POU6F2: variants seen among roughly 807,000 people sequenced by gnomAD.
The protein encoded by POU6F2 is POU class 6 homeobox 2, also known as POU domain, class 6, transcription factor 2.
POU6F2 carries 31 observed loss-of-function variants against 71.3 expected under a neutral mutation model. The ratio of observed to expected loss-of-function variants is 0.43; its 90% CI spans 0.33 to 0.59. The LOEUF (loss-of-function observed/expected upper bound fraction) is 0.59. Ranked by LOEUF, POU6F2 falls within the 20% of genes least tolerant of loss-of-function variation. The probability of loss-of-function intolerance (pLI) is 0.04; values close to 1 mark genes in which losing one functional copy is unlikely to be tolerated. For missense variants in POU6F2, 783 were observed against 856.8 expected, an observed-to-expected ratio of 0.91 and a Z score of 1.07; for synonymous variants, 347 against 355.7, an observed-to-expected ratio of 0.98 and a Z score of 0.27.
intron 1 of POU6F2, among the ~76,000 whole-genome samples, chr7:39,006,018 A>G (rs554058111): frequency 6.6e-6 from 1 of 152,302 alleles, no homozygotes; most frequent in East Asian, 1.9e-4. Context: ...ATCTCTCTAA[A>G]GAAAAGGAAT....
At chr7:39,440,302 A>G (rs10261831) in intron 7 of POU6F2, among the ~76,000 whole-genome samples, 48,536 of 151,966 alleles carry the variant, frequency 0.32, 8,464 homozygotes, top group East Asian at 0.52. Flanking sequence ...CATTCTCCCT[A>G]TCTCATTCTG....
Position 39,207,335 on chromosome 7 carries a change from A to G in POU6F2, c.370-57A>G, listed in dbSNP as rs924106096. On this transcript the variant is annotated intron_variant, in intron 3 of 9. Transcript: ENST00000518318. ...ACTTAAGTGGAAAGAAGATGTTTTTAAAACCCATGCCTTGGTTCCACAGGA... is the reference window on the plus strand; with the variant it reads ...ACTTAAGTGGAAAGAAGATGTTTTTGAAACCCATGCCTTGGTTCCACAGGA... 10 of 1,528,506 alleles carry G rather than the reference A, an allele frequency of 6.5e-6. No homozygotes were observed. In the Admixed American group the frequency reaches 8.9e-5, roughly 14 times the overall value. 94.7% of individuals were successfully genotyped at this position (1,528,506 alleles called of 1,614,324 possible).
chr7:39,352,985 CT>C (rs1231515520), intron 5 of POU6F2, among the ~76,000 whole-genome samples: 1 of 152,196 alleles, frequency 6.6e-6, no homozygotes, highest in Non-Finnish European at 1.5e-5. Context: ...TAGCTCCCAC[CT>C]GTAAGTGAGA....
chr7:39,130,542 A>G (rs769358841), intron 2 of POU6F2, among the ~76,000 whole-genome samples: 9 of 152,236 alleles, frequency 5.9e-5, no homozygotes, highest in South Asian at 4.1e-4. Flanking sequence ...CAAAAGGAAA[A>G]TGAAACTACA....
rs546442181 is a variant in POU6F2, at chr7:39,026,629, T to C, written c.105+48571T>C. Among the ~76,000 whole-genome samples, 460 of 152,132 alleles carry C rather than the reference T, an allele frequency of 3.0e-3. 1 individual carries two copies. The highest frequency in any genetic ancestry group is 8.5e-3 in the African/African-American group (352 of 41,480). ...GTGGGAGGAGTGGGGAGGGATAGCA[T>C]TAGGAGATATACCTAATGCTAAATG... is the stretch of plus-strand genomic sequence containing the variant. On this transcript the variant is annotated intron_variant, in intron 1 of 9. Transcript: ENST00000518318.
rs150254917 is a variant in POU6F2 at position 39,050,785 on chromosome 7, G to T, written c.106-35075G>T. On this transcript the variant is annotated intron_variant, in intron 1 of 9. Transcript: ENST00000518318. The stretch of plus-strand genomic sequence containing the variant: ...AATTACCATGAAGAAAAATCTGGGG[G>T]ACAAGAAGGGGAGCAGCCCAGGCAA... 6.8e-3 allele frequency among the ~76,000 whole-genome samples: 1,035 copies of T among 152,214 alleles called. 12 individuals carry two copies. Among genetic ancestry groups the T allele is most frequent in the African/African-American group, 0.023 (963 of 41,552 alleles).
chr7:39,364,791 G>A (rs1270214315), intron 5 of POU6F2, among the ~76,000 whole-genome samples: 5 of 152,184 alleles, frequency 3.3e-5, no homozygotes, highest in Admixed American at 1.3e-4. Context: ...CCAGTAGTGG[G>A]ACTGCTGGAT....
intron 1 of POU6F2, among the ~76,000 whole-genome samples, chr7:39,013,929 A>G (rs1261668884): frequency 1.3e-5 from 2 of 152,210 alleles, no homozygotes; most frequent in African/African-American, 4.8e-5. Context: ...TTATGCACTT[A>G]ATTTATGTAC....
chr7:39,062,061 A>C (rs558547358), intron 1 of POU6F2, among the ~76,000 whole-genome samples: 61 of 152,204 alleles, frequency 4.0e-4, no homozygotes, highest in Non-Finnish European at 7.3e-4. Context: ...TTTTAAAGTG[A>C]AACTGGTCTT....
chr7:39,237,171 C>T (rs1266184429), intron 4 of POU6F2, among the ~76,000 whole-genome samples: 1 of 152,112 alleles, frequency 6.6e-6, no homozygotes, highest in Non-Finnish European at 1.5e-5. Context: ...AGAGAGAAGG[C>T]GCATCAGCAA....
chr7:39,213,849 TTTGGCCACTGTTCTCTTTGGCCC>T (rs1379652248), intron 4 of POU6F2, among the ~76,000 whole-genome samples: 20 of 152,220 alleles, frequency 1.3e-4, no homozygotes, highest in African/African-American at 4.6e-4. Flanking sequence ...GGGAAGCACC[TTTGGCCACTGTTCTCTTTGGCCC>T]TTGGCCACAC....
rs567930913 is a variant in POU6F2 at position 39,465,987 on chromosome 7, A to C, written c.*1301A>C. On this transcript the variant is annotated 3_prime_UTR_variant, in exon 10 of 10. Transcript: ENST00000518318. Reference sequence around the variant, plus strand: ...ACACACACAAAGAAACAGGCTAAAAAGAAAGTGATAGCAACTGGATCATTA... The same window carrying C: ...ACACACACAAAGAAACAGGCTAAAACGAAAGTGATAGCAACTGGATCATTA... 32 of 152,354 alleles carry C rather than the reference A, an allele frequency of 2.1e-4. No individual in the cohort carries two copies. Among genetic ancestry groups the C allele is most frequent in the African/African-American group, 7.7e-4 (32 of 41,580 alleles). 9.4% of individuals were successfully genotyped at this position (152,354 alleles called of 1,614,324 possible).
At chr7:39,383,799 G>A (rs1786879353) in intron 5 of POU6F2, among the ~76,000 whole-genome samples, 1 of 152,194 alleles carries the variant, frequency 6.6e-6, no homozygotes, top group Non-Finnish European at 1.5e-5. Context: ...TACTGAGAAA[G>A]TACATCTTTT....
intron 4 of POU6F2, among the ~76,000 whole-genome samples, chr7:39,232,859 A>G (rs993694351): frequency 1.3e-5 from 2 of 152,228 alleles, no homozygotes; most frequent in African/African-American, 2.4e-5. Context: ...GCATTAAACT[A>G]AGGACTTGCC....
chr7:39,178,761 G>C (rs1352793628), intron 2 of POU6F2, among the ~76,000 whole-genome samples: 2 of 152,152 alleles, frequency 1.3e-5, no homozygotes, highest in Non-Finnish European at 2.9e-5. Context: ...CACTGAGAAG[G>C]CTGCCTGGCT....
chr7:39,085,699 A>G, intron 1 of POU6F2, 161 bp from the exon 2 acceptor site: 1 of 710,576 alleles, frequency 1.4e-6, no homozygotes, highest in Non-Finnish European at 2.3e-6. Flanking sequence ...GACTGCAGCC[A>G]GCAATAACAG....
chr7:38,978,310 A>G (rs935388274), intron 1 of POU6F2, among the ~76,000 whole-genome samples: 1 of 152,228 alleles, frequency 6.6e-6, no homozygotes, highest in Non-Finnish European at 1.5e-5. Context: ...AATCTAATTT[A>G]TAATTTGGTC....
rs753112046 is a variant in POU6F2 at position 39,413,099 on chromosome 7, C to A, written c.1113+6359C>A. On this transcript the variant is annotated intron_variant, in intron 6 of 9. Coordinates refer to ENST00000518318, the MANE Select transcript of POU6F2 (RefSeq NM_001370959.1). ...GATTACAGGCGTGAGCCACCGCGCCCGGCCTTCTTGCTTATTTTTAAAAGA... is the reference window on the plus strand; with the variant it reads ...GATTACAGGCGTGAGCCACCGCGCCAGGCCTTCTTGCTTATTTTTAAAAGA... Among the ~76,000 whole-genome samples, 3 of 151,684 alleles carry A rather than the reference C, an allele frequency of 2.0e-5. No individual in the cohort carries two copies. The East Asian group carries it at 5.8e-4, about 29-fold the overall frequency.
chr7:39,395,021 C>T (rs1562814100), intron 5 of POU6F2, among the ~76,000 whole-genome samples: 1 of 152,020 alleles, frequency 6.6e-6, no homozygotes. Flanking sequence ...AGCTGCACTC[C>T]CTCCCTCTGA....
Sources: allele counts gnomAD v4.1 joint callset (sites outside exome capture counted in the v4.1 genomes callset), GRCh38; gene constraint gnomAD v4.1.1; transcripts MANE v1.5; gene names NCBI Gene and HGNC (gene_info 2026-07-23, HGNC 2026-07-21).